The following INTS6 variants were observed in gnomAD, a reference collection of about 807,000 sequenced individuals.
INTS6 encodes the protein DEAD box protein.
A neutral mutation model predicts 104.9 loss-of-function variants in INTS6; 16 were observed. The ratio of observed to expected loss-of-function variants is 0.15; its 90% CI spans 0.10 to 0.23. INTS6 has a LOEUF of 0.23. Among genes scored for constraint, INTS6 ranks in the 10% least tolerant of loss-of-function variants. INTS6 has a pLI of 1.00. For synonymous variants in INTS6, 324 were observed against 358.7 expected, an observed-to-expected ratio of 0.90 and a Z score of 1.09; for missense variants, 584 against 1,062.8, an observed-to-expected ratio of 0.55 and a Z score of 6.26.
intron 3 of INTS6, among the ~76,000 whole-genome samples, chr13:51,355,631 A>T (rs1174335749): frequency 1.3e-5 from 2 of 152,112 alleles, no homozygotes; most frequent in African/African-American, 4.8e-5. Context: ...CCATACTCTT[A>T]CAACCTTGCC....
At chr13:51,447,966 G>A (rs1251791145) in intron 3 of INTS6, 2 of 152,172 alleles carry the variant, frequency 1.3e-5, no homozygotes, top group African/African-American at 4.8e-5. Flanking sequence ...GCTGAAGCAT[G>A]AGAATGGCTT....
At chr13:51,387,250 G>C in intron 7 of INTS6, 136 bp downstream of exon 7, 1 of 642,454 alleles carries the variant, frequency 1.6e-6, no homozygotes, top group Admixed American at 3.5e-5. Context: ...AATAAAGCAA[G>C]TAACAGGGTA....
chr13:51,347,056 G>A, the INTS6 span: 2 of 1,594,426 alleles, frequency 1.3e-6, no homozygotes, highest in Non-Finnish European at 8.5e-7. Flanking sequence ...CTGGTGGCTG[G>A]CCGTGGGAGC....
chr13:51,383,561 TGG>T, intron 8 of INTS6, 26 bp downstream of exon 8: 1 of 1,606,212 alleles, frequency 6.2e-7, no homozygotes. Flanking sequence ...ATTTAAATTT[TGG>T]GGTCACTGTA....
At chr13:51,406,429 T>C (rs1057217135) in intron 4 of INTS6, among the ~76,000 whole-genome samples, 2 of 149,348 alleles carry the variant, frequency 1.3e-5, no homozygotes, top group East Asian at 3.9e-4. Context: ...GAATAATGGA[T>C]AACCACCTCC....
At position 51,451,109 on chromosome 13, in the gene INTS6, A is replaced by G; in HGVS notation, c.255T>C (p.Leu85=). ...TCCTTAGGGATTGGCCAAGAGTCGT[A>G]AGTCCTTCAGCCTGAAGGTTTTTCA... ...NELKNLQAEG[L]TTLGQSLRTA... is the part of the protein sequence containing the mutation. The change falls in exon 3 of 18, where the codon CTT becomes CTC. Residue 85 remains leucine (L), a synonymous_variant. Transcript: ENST00000311234. 1 of 1,588,192 alleles carries G rather than the reference A, an allele frequency of 6.3e-7. No homozygotes were observed. Among genetic ancestry groups the G allele is most frequent in the Non-Finnish European group, 8.6e-7 (1 of 1,168,802 alleles).
Position 51,380,049 on chromosome 13 carries a change from G to A in INTS6, c.1276-477C>T, listed in dbSNP as rs1411964168. On this transcript the variant is annotated intron_variant, in intron 10 of 17. Transcript: ENST00000311234. ...CTTAGTTTCTCATTTGTAAAATGGGGATAATAACAATACCTACTCTTACAG... is the reference window on the plus strand; with the variant it reads ...CTTAGTTTCTCATTTGTAAAATGGGAATAATAACAATACCTACTCTTACAG... Among the ~76,000 whole-genome samples the A allele has an allele frequency of 2.0e-5, 3 of 152,086 alleles. No homozygotes were observed. In the East Asian group the frequency reaches 5.8e-4, roughly 29 times the overall value.
chr13:51,447,507 A>C (rs1046181160), intron 3 of INTS6: 5 of 152,118 alleles, frequency 3.3e-5, no homozygotes, highest in Non-Finnish European at 5.9e-5. Flanking sequence ...ACCATAGAAA[A>C]TCCTCAAAAA....
intron 4 of INTS6, among the ~76,000 whole-genome samples, chr13:51,401,801 T>G (rs1300096458): frequency 1.3e-5 from 2 of 152,150 alleles, no homozygotes; most frequent in African/African-American, 4.8e-5. Flanking sequence ...AGTCTGGCTC[T>G]TAAACACTGT....
chr13:51,337,716 T>C, the INTS6 span, among the ~76,000 whole-genome samples: 1 of 152,240 alleles, frequency 6.6e-6, no homozygotes, highest in South Asian at 2.1e-4. Context: ...ATAGGATTGC[T>C]GTGAGGATTC....
chr13:51,398,389 A>C (rs1041727731), intron 4 of INTS6, among the ~76,000 whole-genome samples: 1 of 152,198 alleles, frequency 6.6e-6, no homozygotes, highest in African/African-American at 2.4e-5. Context: ...AATTCCCAAA[A>C]GCAAAAAATG....
At chr13:51,422,969 C>A (rs1956922366) in intron 4 of INTS6, 2 of 902,294 alleles carry the variant, frequency 2.2e-6, no homozygotes, top group South Asian at 1.6e-5. Flanking sequence ...TGTCTCAGAA[C>A]CTTCTGTTTA....
chr13:51,450,816 T>C, intron 3 of INTS6: 2 of 1,188,542 alleles, frequency 1.7e-6, no homozygotes, highest in Non-Finnish European at 2.1e-6. Context: ...ATTCTAATCC[T>C]GAATACCAAT....
chr13:51,384,994 A>G, intron 7 of INTS6: 1 of 208,266 alleles, frequency 4.8e-6, no homozygotes, highest in South Asian at 7.3e-5. Flanking sequence ...GTTCGGTAAA[A>G]GTAACAGCCA....
rs1297124506 is a variant in INTS6 at position 51,364,231 on chromosome 13, C to CT, written c.*1520dup. 1 of 1,408,142 alleles carries CT rather than the reference C, an allele frequency of 7.1e-7. No individual in the cohort carries two copies. Among genetic ancestry groups the CT allele is most frequent in the African/African-American group, 1.4e-5 (1 of 69,474 alleles). The allele number at this position is 1,408,142 out of a possible 1,614,324, so 87.2% of individuals were successfully genotyped here. On this transcript the variant is annotated 3_prime_UTR_variant, in exon 18 of 18. Coordinates refer to ENST00000311234, the MANE Select transcript of INTS6 (RefSeq NM_012141.3). ...TATATAATATTAAATTCTTCTTTTT[C>CT]TTGACAGGGTTTGTCTTCAGTATTG... is the stretch of plus-strand genomic sequence containing the variant.
intron 3 of INTS6, chr13:51,437,201 C>T (rs1405028445): frequency 2.6e-5 from 4 of 152,170 alleles, no homozygotes; most frequent in Admixed American, 1.3e-4. Context: ...TGGAGTTATA[C>T]AGCAATAATG....
intron 15 of INTS6, among the ~76,000 whole-genome samples, chr13:51,370,930 G>T (rs1943557491): frequency 1.3e-5 from 2 of 152,122 alleles, no homozygotes; most frequent in Admixed American, 1.3e-4. Context: ...CCGCATGCAG[G>T]TGTTGTCTGC....
intron 9 of INTS6, 69 bp from the exon 10 acceptor site, chr13:51,382,192 C>T (rs936020332): frequency 2.0e-5 from 18 of 884,694 alleles, no homozygotes; most frequent in Non-Finnish European, 2.0e-5. Flanking sequence ...AAGTCAAAGA[C>T]GTTTCCTTTT....
chr13:51,407,307 T>C (rs545638795), intron 4 of INTS6, among the ~76,000 whole-genome samples: 1 of 152,274 alleles, frequency 6.6e-6, no homozygotes, highest in South Asian at 2.1e-4. Flanking sequence ...GAATAAATAA[T>C]GTGACTGGCT....
Sources: allele counts gnomAD v4.1 joint callset (sites outside exome capture counted in the v4.1 genomes callset), GRCh38; gene constraint gnomAD v4.1.1; transcripts MANE v1.5; gene names NCBI Gene and HGNC (gene_info 2026-07-23, HGNC 2026-07-21).